Variants in CITED1 observed in about 807,000 individuals in gnomAD.
CITED1 encodes the protein Cbp/p300 interacting transactivator with ED-rich tail 1.
A neutral mutation model predicts 8.5 loss-of-function variants in CITED1; 3 were observed. The observed-to-expected ratio is 0.35, with a 90% confidence interval of 0.16 to 0.91. CITED1 has a LOEUF of 0.91. Among genes scored for constraint, CITED1 ranks in the 40% least tolerant of loss-of-function variants. The pLI is 0.46. For missense variants in CITED1, 113 were observed against 154.8 expected, an observed-to-expected ratio of 0.73 and a Z score of 1.43; for synonymous variants, 54 against 67.4, an observed-to-expected ratio of 0.80 and a Z score of 0.97.
In CITED1 at chrX:72,302,093, G is replaced by C; in HGVS notation, c.212C>G (p.Ser71Cys). 2 of 1,188,095 alleles carry C rather than the reference G, an allele frequency of 1.7e-6. No homozygotes were observed. Among genetic ancestry groups the C allele is most frequent in the Non-Finnish European group, 2.3e-6 (2 of 883,071 alleles). The change falls in exon 3 of 3, where the codon TCT (serine) becomes TGT (cysteine). Residue 71 changes from serine to cysteine, a missense_variant. Ser to Cys is a moderately radical substitution (Grantham distance 112, BLOSUM62 -1). Transcript: ENST00000651998. ...TTTAGTGGGAGGGGTGGTTGTAGGA[G>C]AGCCTATTGGAGATCCCGAGGAACT... ...PTSSSGSPIGSPTTTPPTKPP... is the reference protein window; with the variant it reads ...PTSSSGSPIGCPTTTPPTKPP...
intron 1 of CITED1, chrX:72,305,600 G>T: frequency 3.8e-6 from 1 of 264,897 alleles, no homozygotes; most frequent in Non-Finnish European, 6.7e-6. Context: ...CTTAGAGACA[G>T]GATGGACAGG....
intron 1 of CITED1, chrX:72,305,269 T>C: frequency 2.6e-6 from 3 of 1,158,297 alleles, no homozygotes; most frequent in Non-Finnish European, 3.5e-6. Context: ...ATCTTTAACC[T>C]GTTGGGGGAC....
At chrX:72,304,490 A>C (rs952045656) in intron 1 of CITED1, among the ~76,000 whole-genome samples, 1 of 111,371 alleles carries the variant, frequency 9.0e-6, no homozygotes, top group African/African-American at 3.3e-5. Flanking sequence ...TGTCGTCTTC[A>C]AGAGCCCTAG....
At chrX:72,305,344 G>A in intron 1 of CITED1, 1 of 1,158,023 alleles carries the variant, frequency 8.6e-7, no homozygotes, top group Non-Finnish European at 1.2e-6. Flanking sequence ...CTCAGAAGGA[G>A]AAATTTAAAA....
At chrX:72,306,239 G>A (rs1034532926), upstream of CITED1, among the ~76,000 whole-genome samples, 3 of 111,247 alleles carry the variant, frequency 2.7e-5, no homozygotes, top group Non-Finnish European at 5.7e-5. Context: ...GTCTCCCCGG[G>A]AGAAGCGGGC....
intron 1 of CITED1, chrX:72,305,260 T>C: frequency 1.7e-6 from 2 of 1,148,862 alleles, no homozygotes; most frequent in South Asian, 1.9e-5. Context: ...GGGGGCCTCA[T>C]CTTTAACCTG....
At chrX:72,307,019 A>T (rs1380784023), upstream of CITED1, 3 of 107,499 alleles carry the variant, frequency 2.8e-5, no homozygotes, top group Non-Finnish European at 3.9e-5. Context: ...TGAACTGGAT[A>T]CTCACGGAGG....
rs746760864 is a variant in CITED1, at chrX:72,302,168, T to C, written c.137A>G (p.His46Arg). The C allele has an allele frequency of 9.2e-6, 11 of 1,200,582 alleles. No homozygotes were observed. The Admixed American group carries it at 2.5e-4, about 27-fold the overall frequency. Residue 46 changes from histidine to arginine, a missense_variant, in exon 3 of 3, where the codon CAC becomes CGC. His to Arg is a conservative substitution (Grantham distance 29). Transcript: ENST00000651998. ...TCCATTTGAGGCTACCCCAGGGTAG[T>C]GCAGAATGGCCACTGCTTTGCGATC... ...VKDRKAVAIL[H>R]YPGVASNGTK...
In CITED1 at chrX:72,301,936, G is replaced by A; in HGVS notation, c.369C>T (p.Asn123=). ...CTCCCGCCTGGGCCCCAAAGTCCCAGTTTTGCAGGGGTCCTGCCTCCCCGG... is the reference window on the plus strand; with the variant it reads ...CTCCCGCCTGGGCCCCAAAGTCCCAATTTTGCAGGGGTCCTGCCTCCCCGG... ...GQPGEAGPLQ[N]WDFGAQAGGA... is the part of the protein sequence containing the mutation. The change falls in exon 3 of 3, where the codon AAC becomes AAT. Residue 123 remains asparagine, a synonymous_variant. Transcript: ENST00000651998. 8.2e-7 allele frequency: 1 copy of A among 1,212,388 alleles called. No individual in the cohort carries two copies. The highest frequency in any genetic ancestry group is 1.1e-6 in the Non-Finnish European group (1 of 895,656).
chrX:72,302,292 T>G, intron 2 of CITED1, 48 bp from the exon 3 acceptor site: 1 of 1,155,980 alleles, frequency 8.7e-7, no homozygotes, highest in Non-Finnish European at 1.2e-6. Context: ...TCCTGGCTTG[T>G]CCTTCACCAT....
At chrX:72,304,748 A>AT (rs938585440) in intron 1 of CITED1, among the ~76,000 whole-genome samples, 1 of 111,749 alleles carries the variant, frequency 8.9e-6, no homozygotes. Context: ...GGGGAAGACC[A>AT]TTTTACCGCG....
intron 1 of CITED1, chrX:72,305,325 A>G (rs1158686615): frequency 6.9e-6 from 8 of 1,164,516 alleles, no homozygotes; most frequent in African/African-American, 1.8e-5. Flanking sequence ...CTCGATTGCT[A>G]TTTTCTCACT....
At chrX:72,302,675 T>C (rs749259494) in intron 2 of CITED1, 135 bp downstream of exon 2, 21 of 568,490 alleles carry the variant, frequency 3.7e-5, no homozygotes, top group Non-Finnish European at 5.6e-5. Context: ...CAGAAGCTGT[T>C]CTCATTCTCC....
Position 72,301,701 on chromosome X carries a change from C to T in CITED1, c.*22G>A. 8.3e-7 allele frequency: 1 copy of T among 1,203,181 alleles called. No individual in the cohort carries two copies. Among genetic ancestry groups the T allele is most frequent in the Non-Finnish European group, 1.1e-6 (1 of 889,890 alleles). ...CAACAGAATTGGTGGCTTTATTCCT[C>T]CATCTTTAGGGACACTTGGCATTAG... On this transcript the variant is annotated 3_prime_UTR_variant, in exon 3 of 3. Transcript: ENST00000651998.
chrX:72,306,261 C>G (rs2043338156), upstream of CITED1, among the ~76,000 whole-genome samples: 1 of 109,773 alleles, frequency 9.1e-6, no homozygotes, highest in Admixed American at 9.5e-5. Flanking sequence ...CCCGGCCCCG[C>G]TGGCCGGCAG....
chrX:72,302,384 A>T, intron 2 of CITED1, 140 bp from the exon 3 acceptor site: 1 of 753,304 alleles, frequency 1.3e-6, no homozygotes, highest in African/African-American at 2.1e-5. Flanking sequence ...CTTGAAAATT[A>T]GGCTCCCACC....
At chrX:72,304,558 A>G (rs952785373) in intron 1 of CITED1, among the ~76,000 whole-genome samples, 1 of 111,699 alleles carries the variant, frequency 9.0e-6, no homozygotes, top group Non-Finnish European at 1.9e-5. Context: ...GGCCCTGTCC[A>G]TCTTTTCCTG....
chrX:72,302,274 A>T, intron 2 of CITED1, 30 bp from the exon 3 acceptor site: 1 of 1,183,036 alleles, frequency 8.5e-7, no homozygotes, highest in Non-Finnish European at 1.1e-6. Context: ...ACACCATAGT[A>T]ACCCTGCTCC....
upstream of CITED1, chrX:72,306,634 C>T (rs1043321210): frequency 4.5e-5 from 5 of 111,064 alleles, no homozygotes; most frequent in African/African-American, 1.6e-4. Flanking sequence ...GGCCACCCGA[C>T]CCCGGGGCGC....
Sources: gnomAD v4.1 joint callset for allele counts (sites outside exome capture counted in the v4.1 genomes callset) on GRCh38, gnomAD v4.1.1 for gene constraint, MANE v1.5 for transcripts, NCBI Gene and HGNC (gene_info 2026-07-23, HGNC 2026-07-21) for gene names.